The following IMMP2L variants were observed in gnomAD, a reference collection of about 807,000 sequenced individuals.
IMMP2L encodes the protein inner mitochondrial membrane peptidase subunit 2, also known as mitochondrial inner membrane protease subunit 2.
A neutral mutation model predicts 19.3 loss-of-function variants in IMMP2L; 18 were observed. That is an observed-to-expected ratio of 0.93 (90% CI 0.64 to 1.38). IMMP2L has a LOEUF of 1.38. Ranked by LOEUF, IMMP2L falls within the 40% of genes most tolerant of loss-of-function variation. The pLI is 0.00. For synonymous variants in IMMP2L, 76 were observed against 73.0 expected, an observed-to-expected ratio of 1.04 and a Z score of -0.21; for missense variants, 233 against 218.2, an observed-to-expected ratio of 1.07 and a Z score of -0.43.
chr7:110,852,569 A>C (rs1038392084), intron 5 of IMMP2L, among the ~76,000 whole-genome samples: 3 of 152,078 alleles, frequency 2.0e-5, no homozygotes, highest in African/African-American at 7.2e-5. Flanking sequence ...CATTATCTTC[A>C]TTCTGGAATG....
At chr7:111,180,692 T>G (rs1386888671) in intron 3 of IMMP2L, among the ~76,000 whole-genome samples, 1 of 152,038 alleles carries the variant, frequency 6.6e-6, no homozygotes, top group Non-Finnish European at 1.5e-5. Flanking sequence ...TAAAATGACA[T>G]AAGCCTACAA....
In IMMP2L at chr7:110,886,589, T is replaced by C. The variant is rs771870081; in HGVS notation, c.408+4A>G. 3 of 1,533,520 alleles carry C rather than the reference T, an allele frequency of 2.0e-6. No individual in the cohort carries two copies. Among genetic ancestry groups the C allele is most frequent in the African/African-American group, 2.7e-5 (2 of 73,262 alleles). 95.0% of individuals were successfully genotyped at this position (1,533,520 alleles called of 1,614,324 possible). On this transcript the variant is annotated splice_donor_region_variant and intron_variant, in intron 5 of 5. Coordinates refer to ENST00000405709, the MANE Select transcript of IMMP2L (RefSeq NM_032549.4). ...CATCAACAAGAAGATAAAAGATGAC[T>C]TACCGGCCCAAAAGAATTACTGTCA...
chr7:110,966,661 T>C (rs927547447), intron 3 of IMMP2L, among the ~76,000 whole-genome samples: 1 of 152,074 alleles, frequency 6.6e-6, no homozygotes, highest in African/African-American at 2.4e-5. Flanking sequence ...TATCTTTAAA[T>C]TTTAATGTAA....
At chr7:111,377,341 T>C (rs1430858989) in intron 3 of IMMP2L, among the ~76,000 whole-genome samples, 4 of 151,934 alleles carry the variant, frequency 2.6e-5, no homozygotes, top group Admixed American at 6.6e-5. Flanking sequence ...TATAGTATCC[T>C]TCTATAGTAC....
intron 3 of IMMP2L, among the ~76,000 whole-genome samples, chr7:111,277,829 G>A (rs894445698): frequency 2.6e-5 from 4 of 152,040 alleles, no homozygotes; most frequent in South Asian, 4.1e-4. Context: ...CTATGGAATC[G>A]ACCTAAGTGC....
At chr7:111,262,651 T>C (rs1817438105) in intron 3 of IMMP2L, among the ~76,000 whole-genome samples, 2 of 152,288 alleles carry the variant, frequency 1.3e-5, no homozygotes, top group South Asian at 4.1e-4. Context: ...ACGCAAGATT[T>C]ATGAGGTATA....
At chr7:111,054,047 TAA>T (rs58399587) in intron 3 of IMMP2L, among the ~76,000 whole-genome samples, 1 of 152,006 alleles carries the variant, frequency 6.6e-6, no homozygotes, top group Non-Finnish European at 1.5e-5. Context: ...GACAGGAAAA[TAA>T]AAAAAATGGG....
At chr7:111,371,846 T>C (rs1563112810) in intron 3 of IMMP2L, among the ~76,000 whole-genome samples, 2 of 152,096 alleles carry the variant, frequency 1.3e-5, no homozygotes, top group Non-Finnish European at 2.9e-5. Context: ...AAAACAAACA[T>C]ACAAATAAAA....
intron 1 of IMMP2L, among the ~76,000 whole-genome samples, chr7:111,535,733 T>C (rs1283559133): frequency 4.6e-5 from 7 of 151,932 alleles, no homozygotes; most frequent in Non-Finnish European, 5.9e-5. Flanking sequence ...TTAAGATACA[T>C]TGTAGGACTC....
At chr7:110,693,365 T>C (rs1446435098) in intron 5 of IMMP2L, among the ~76,000 whole-genome samples, 1 of 152,204 alleles carries the variant, frequency 6.6e-6, no homozygotes, top group Non-Finnish European at 1.5e-5. Context: ...GTTTCAAATG[T>C]CACAATGGAA....
intron 1 of IMMP2L, among the ~76,000 whole-genome samples, chr7:111,543,449 A>C (rs920898240): frequency 6.6e-6 from 1 of 152,150 alleles, no homozygotes; most frequent in Admixed American, 6.6e-5. Flanking sequence ...TGTATTGGGC[A>C]AAGAAATGAG....
chr7:111,175,515 A>G (rs1409044280), intron 3 of IMMP2L, among the ~76,000 whole-genome samples: 1 of 151,874 alleles, frequency 6.6e-6, no homozygotes, highest in Non-Finnish European at 1.5e-5. Flanking sequence ...GATTCACAAG[A>G]TCAGAAATTA....
rs1002584582 is a variant in IMMP2L at position 111,443,141 on chromosome 7, G to T, written c.239+44097C>A. Among the ~76,000 whole-genome samples, 4 of 151,686 alleles carry T rather than the reference G, an allele frequency of 2.6e-5. No homozygotes were observed. In the East Asian group the frequency reaches 7.7e-4, roughly 29 times the overall value. ...TTGATTTTATGTTTTTTAAGATGAA[G>T]GTTTTAAGGTTATCTCATTCAATCC... On this transcript the variant is annotated intron_variant, in intron 3 of 5. Coordinates refer to ENST00000405709, the MANE Select transcript of IMMP2L (RefSeq NM_032549.4).
chr7:111,163,238 G>A (rs1805460648), intron 3 of IMMP2L, among the ~76,000 whole-genome samples: 1 of 151,988 alleles, frequency 6.6e-6, no homozygotes. Flanking sequence ...CTGTCATAAA[G>A]ATAGATTGCT....
chr7:111,154,824 C>T (rs1235321405), intron 3 of IMMP2L, among the ~76,000 whole-genome samples: 1 of 152,094 alleles, frequency 6.6e-6, no homozygotes, highest in Non-Finnish European at 1.5e-5. Context: ...GTGGTGTGAC[C>T]ATGGTTCATT....
rs368018325 is a variant in IMMP2L at position 111,453,549 on chromosome 7, A to T, written c.239+33689T>A. Among the ~76,000 whole-genome samples, 5 of 152,310 alleles carry T rather than the reference A, an allele frequency of 3.3e-5. No individual in the cohort carries two copies. In the East Asian group the frequency reaches 7.7e-4, roughly 24 times the overall value. On this transcript the variant is annotated intron_variant, in intron 3 of 5. Coordinates refer to ENST00000405709, the MANE Select transcript of IMMP2L (RefSeq NM_032549.4). ...ATCGGTATCATTGGAGCATTGTTTG[A>T]TATCGGTAACTTGCTTTAAACTGAT... is the stretch of plus-strand genomic sequence containing the variant.
chr7:111,369,028 A>G (rs1830044787), intron 3 of IMMP2L, among the ~76,000 whole-genome samples: 2 of 151,980 alleles, frequency 1.3e-5, no homozygotes, highest in Non-Finnish European at 2.9e-5. Flanking sequence ...GACAATACCA[A>G]TAATACAGAC....
intron 3 of IMMP2L, among the ~76,000 whole-genome samples, chr7:111,453,271 C>T (rs1050877948): frequency 6.6e-6 from 1 of 152,132 alleles, no homozygotes; most frequent in East Asian, 1.9e-4. Flanking sequence ...GCAGTGTCTT[C>T]GCAGTTTCCT....
intron 4 of IMMP2L, among the ~76,000 whole-genome samples, chr7:110,912,045 C>T (rs2129548448): frequency 1.3e-5 from 2 of 152,042 alleles, no homozygotes; most frequent in African/African-American, 2.4e-5. Flanking sequence ...GTCTGTCTTG[C>T]CTTAAGTGAG....
Sources: allele counts gnomAD v4.1 joint callset (sites outside exome capture counted in the v4.1 genomes callset), GRCh38; gene constraint gnomAD v4.1.1; transcripts MANE v1.5; gene names NCBI Gene and HGNC (gene_info 2026-07-23, HGNC 2026-07-21).